The following WASHC5 variants were observed in gnomAD, a reference collection of about 807,000 sequenced individuals.
The protein encoded by WASHC5 is WASH complex subunit strumpellin.
In WASHC5, 101 loss-of-function variants were observed where a neutral mutation model predicts 150.4. The ratio of observed to expected loss-of-function variants is 0.67; its 90% CI spans 0.57 to 0.79. The LOEUF (loss-of-function observed/expected upper bound fraction) is 0.79, where lower values mean the gene tolerates loss of function less well. WASHC5 is among the 30% of genes least tolerant of loss of function. The probability of loss-of-function intolerance (pLI) is 0.00; values close to 1 mark genes in which losing one functional copy is unlikely to be tolerated. For missense variants in WASHC5, 1,195 were observed against 1,396.3 expected (o/e 0.86, Z 2.30); for synonymous variants, 467 against 491.2 (o/e 0.95, Z 0.65).
intron 18 of WASHC5, among the ~76,000 whole-genome samples, chr8:125,050,180 A>G (rs1349968666): frequency 3.3e-5 from 5 of 152,132 alleles, no homozygotes; most frequent in African/African-American, 1.2e-4. Flanking sequence ...ATTCCCTAGC[A>G]GATAAAGCAA....
chr8:125,059,834 G>C (rs992360920), intron 12 of WASHC5, among the ~76,000 whole-genome samples: 1 of 152,120 alleles, frequency 6.6e-6, no homozygotes, highest in Non-Finnish European at 1.5e-5. Context: ...ATTCTACAAT[G>C]TCTTGAAATT....
intron 9 of WASHC5, among the ~76,000 whole-genome samples, chr8:125,072,579 A>G (rs1254337751): frequency 1.3e-5 from 2 of 151,892 alleles, no homozygotes; most frequent in Non-Finnish European, 2.9e-5. Flanking sequence ...TCACTGTGTT[A>G]CCCAGGCTGG....
rs376307168 is a variant in WASHC5 at position 125,049,147 on chromosome 8, C to T, written c.2238G>A (p.Ala746=). Reference sequence around the variant, plus strand: ...AAGAACGATGGAATCCATCCATGGTCGCTCCCAACTCTTTCAGCTTGGGCA... The same window carrying T: ...AAGAACGATGGAATCCATCCATGGTTGCTCCCAACTCTTTCAGCTTGGGCA... The part of the protein sequence containing the change: ...ELMPKLKELG[A]TMDGFHRSFE... Residue 746 remains alanine (A), a synonymous_variant, in exon 19 of 29, where the codon GCG becomes GCA. Transcript: ENST00000318410. 2.3e-5 allele frequency: 37 copies of T among 1,614,020 alleles called. No homozygotes were observed. In the Admixed American group the frequency reaches 4.0e-4, roughly 17 times the overall value.
chr8:125,057,932 G>A (rs938466730), intron 14 of WASHC5, among the ~76,000 whole-genome samples: 1 of 152,016 alleles, frequency 6.6e-6, no homozygotes, highest in African/African-American at 2.4e-5. Flanking sequence ...CACTGACTTA[G>A]TCAGACACCC....
In WASHC5 at chr8:125,050,585, C is replaced by G; in HGVS notation, c.2178G>C (p.Leu726=). The change falls in exon 18 of 29, where the codon CTG becomes CTC. Residue 726 remains leucine (L), a synonymous_variant. Transcript: ENST00000318410. ...KRVAFALHRG[L]IFNPRAKPSE... ...GTACCTTGGCTCGAGGGTTGAATAT[C>G]AGTCCCCTATGCAGGGCAAAGGCAA... is the stretch of plus-strand genomic sequence containing the variant. 1.9e-6 allele frequency: 3 copies of G among 1,614,040 alleles called. No homozygotes were observed. Among genetic ancestry groups the G allele is most frequent in the South Asian group, 2.2e-5 (2 of 91,078 alleles).
At chr8:125,050,533 A>G (rs1219164742) in intron 18 of WASHC5, 31 bp downstream of exon 18, 2 of 1,507,844 alleles carry the variant, frequency 1.3e-6, no homozygotes, top group East Asian at 4.5e-5. Context: ...TGGGCGGAGA[A>G]GAGGACAGGC....
At chr8:125,088,761 C>T (rs10441518) in intron 1 of WASHC5, among the ~76,000 whole-genome samples, 44,560 of 151,978 alleles carry the variant, frequency 0.29, 7,316 homozygotes, top group South Asian at 0.42. Flanking sequence ...ATGCCCTACC[C>T]TCCGGACCAT....
intron 28 of WASHC5, among the ~76,000 whole-genome samples, chr8:125,026,942 T>A (rs1416875063): frequency 6.6e-6 from 1 of 152,186 alleles, no homozygotes; most frequent in Non-Finnish European, 1.5e-5. Context: ...AGTAAACCTA[T>A]AAACTAGATA....
At chr8:125,040,486 G>A (rs1191260531) in intron 23 of WASHC5, among the ~76,000 whole-genome samples, 3 of 151,982 alleles carry the variant, frequency 2.0e-5, no homozygotes, top group Admixed American at 6.6e-5. Context: ...TTTTTTGTGT[G>A]TCTGATATGG....
chr8:125,044,880 G>C (rs1262489693), intron 20 of WASHC5, 182 bp from the exon 21 acceptor site: 2 of 675,772 alleles, frequency 3.0e-6, no homozygotes, highest in Non-Finnish European at 5.3e-6. Context: ...GGAACAGGAA[G>C]GTAAAATTCA....
Position 125,063,626 on chromosome 8 carries a change from T to C in WASHC5, c.1304A>G (p.Lys435Arg). Residue 435 changes from lysine (K) to arginine (R), a missense_variant, in exon 11 of 29, where the codon AAG (lysine) becomes AGG (arginine). Lys to Arg is a conservative substitution (Grantham distance 26). Coordinates refer to ENST00000318410, the MANE Select transcript of WASHC5 (RefSeq NM_014846.4). ...KEMFKQMLSEKQTKWEHYKKE... is the reference protein window; with the variant it reads ...KEMFKQMLSERQTKWEHYKKE... ...CTTGTAATGCTCCCATTTGGTTTGCTTTTCTGAAAGCATTTGCTTGAACAT... is the reference window on the plus strand; with the variant it reads ...CTTGTAATGCTCCCATTTGGTTTGCCTTTCTGAAAGCATTTGCTTGAACAT... The C allele has an allele frequency of 6.2e-7, 1 of 1,613,956 alleles. No individual in the cohort carries two copies. The highest frequency in any genetic ancestry group is 8.5e-7 in the Non-Finnish European group (1 of 1,179,854).
intron 28 of WASHC5, among the ~76,000 whole-genome samples, chr8:125,025,121 G>A (rs1283679729): frequency 6.6e-6 from 1 of 152,106 alleles, no homozygotes; most frequent in Non-Finnish European, 1.5e-5. Flanking sequence ...AGAGCAGGAA[G>A]GCCTTCAGAG....
At chr8:125,081,824 G>A in intron 4 of WASHC5, 63 bp from the exon 5 acceptor site, 3 of 966,372 alleles carry the variant, frequency 3.1e-6, no homozygotes, top group East Asian at 2.4e-5. Flanking sequence ...GAGTAAAGTC[G>A]GTAATCATGA....
chr8:125,047,417 A>G (rs1563615900), intron 19 of WASHC5, 86 bp from the exon 20 acceptor site: 3 of 1,338,742 alleles, frequency 2.2e-6, no homozygotes, highest in Non-Finnish European at 3.2e-6. Context: ...CAAAGATAAT[A>G]TTGCATAAAG....
intron 10 of WASHC5, among the ~76,000 whole-genome samples, chr8:125,064,686 A>C (rs969868675): frequency 1.3e-5 from 2 of 152,022 alleles, no homozygotes; most frequent in African/African-American, 4.8e-5. Flanking sequence ...ACAAGGGTAG[A>C]TGGTCTTTTA....
intron 11 of WASHC5, among the ~76,000 whole-genome samples, 178 bp downstream of exon 11, chr8:125,063,344 G>A (rs574821173): frequency 6.6e-6 from 1 of 152,182 alleles, no homozygotes; most frequent in African/African-American, 2.4e-5. Flanking sequence ...GCCCAAGAGA[G>A]CAGAGAGCTA....
rs757034696 is a variant in WASHC5, at chr8:125,059,409, C to T, written c.1655G>A (p.Gly552Glu). ...CAACTGCCAAGCGAAAGAAAGGTCC[C>T]CAACGATCTGCATTGTGATCAGAAC... ...EEVLITMQIV[G>E]DLSFAWQLID... The change falls in exon 13 of 29, where the codon GGG becomes GAG. Residue 552 changes from glycine (G) to glutamate (E), a missense_variant. By Grantham distance (98) the Gly-to-Glu change is moderately conservative. This residue lies in a region of WASHC5 where 997 missense variants were observed against 1,168.1 expected (regional missense o/e 0.85). Transcript: ENST00000318410. 8.1e-6 allele frequency: 13 copies of T among 1,614,038 alleles called. No individual in the cohort carries two copies. The highest frequency in any genetic ancestry group is 1.1e-5 in the Non-Finnish European group (13 of 1,180,034).
intron 9 of WASHC5, among the ~76,000 whole-genome samples, chr8:125,067,931 C>T (rs375969403): frequency 6.6e-5 from 10 of 152,256 alleles, no homozygotes; most frequent in African/African-American, 2.4e-4. Flanking sequence ...GAGTGCCATC[C>T]TTGAAAGATT....
At chr8:125,030,133 AAG>A (rs1446965105) in intron 27 of WASHC5, among the ~76,000 whole-genome samples, 1 of 152,202 alleles carries the variant, frequency 6.6e-6, no homozygotes, top group Non-Finnish European at 1.5e-5. Flanking sequence ...GTGAAAAAGA[AAG>A]AGAGGAAGAA....
Sources: allele counts gnomAD v4.1 joint callset (sites outside exome capture counted in the v4.1 genomes callset), GRCh38; gene constraint gnomAD v4.1.1; regional missense constraint gnomAD v4.1.1; transcripts MANE v1.5; gene names NCBI Gene and HGNC (gene_info 2026-07-23, HGNC 2026-07-21).